The following ATP2B2 variants were observed in gnomAD, a reference collection of about 807,000 sequenced individuals.
ATP2B2 encodes the protein plasma membrane calcium-transporting ATPase 2.
In ATP2B2, 15 loss-of-function variants were observed where a neutral mutation model predicts 120.0. That is an observed-to-expected ratio of 0.12 (90% CI 0.08 to 0.19). ATP2B2 has a LOEUF of 0.19. ATP2B2 is among the 10% of genes least tolerant of loss of function. ATP2B2 has a pLI of 1.00. For missense variants in ATP2B2, 1,045 were observed against 1,719.8 expected (o/e 0.61, Z 6.94); for synonymous variants, 694 against 700.3 (o/e 0.99, Z 0.14).
intron 2 of ATP2B2, among the ~76,000 whole-genome samples, chr3:10,605,735 G>C (rs1435097914): frequency 6.6e-6 from 1 of 150,788 alleles, no homozygotes; most frequent in Non-Finnish European, 1.5e-5. Flanking sequence ...TGCAACCTCC[G>C]CCTCCCGGGT....
At chr3:10,567,127 T>G (rs1302470500) in intron 2 of ATP2B2, among the ~76,000 whole-genome samples, 1 of 152,206 alleles carries the variant, frequency 6.6e-6, no homozygotes, top group Non-Finnish European at 1.5e-5. Flanking sequence ...TAGAGGTGTC[T>G]CTCCTGGTGT....
At chr3:10,500,061 G>C (rs556364917) in intron 1 of ATP2B2, among the ~76,000 whole-genome samples, 1 of 150,848 alleles carries the variant, frequency 6.6e-6, no homozygotes, top group African/African-American at 2.4e-5. Context: ...TCAGCCTCCT[G>C]AGTAGCTGGA....
intron 1 of ATP2B2, among the ~76,000 whole-genome samples, chr3:10,702,557 C>T (rs1010066815): frequency 6.6e-6 from 1 of 152,194 alleles, no homozygotes; most frequent in South Asian, 2.1e-4. Context: ...GAGCATCGCA[C>T]AGGTGCAGCT....
chr3:10,420,508 C>G (rs1461732097), intron 2 of ATP2B2, among the ~76,000 whole-genome samples: 4 of 152,166 alleles, frequency 2.6e-5, no homozygotes, highest in African/African-American at 4.8e-5. Flanking sequence ...GTTACAGGTG[C>G]CTGCCACCAT....
intron 2 of ATP2B2, among the ~76,000 whole-genome samples, chr3:10,427,607 A>T (rs2063184377): frequency 6.6e-6 from 1 of 152,216 alleles, no homozygotes; most frequent in Admixed American, 6.5e-5. Flanking sequence ...GCTGCATCCA[A>T]AATATCAGGT....
intron 6 of ATP2B2, among the ~76,000 whole-genome samples, chr3:10,386,964 A>G (rs1477837888): frequency 6.6e-6 from 1 of 152,146 alleles, no homozygotes; most frequent in Non-Finnish European, 1.5e-5. Context: ...AAAACCACAG[A>G]TCTGGCCCAT....
At chr3:10,605,027 C>T (rs1217518903) in intron 2 of ATP2B2, among the ~76,000 whole-genome samples, 2 of 152,210 alleles carry the variant, frequency 1.3e-5, no homozygotes, top group Non-Finnish European at 2.9e-5. Context: ...GAATATGCCA[C>T]AGCCTTCTGT....
chr3:10,573,835 C>G (rs182624323), intron 2 of ATP2B2, among the ~76,000 whole-genome samples: 45 of 152,242 alleles, frequency 3.0e-4, no homozygotes, highest in African/African-American at 1.0e-3. Context: ...TAAAAAGAAG[C>G]CTTCTTCAAT....
intron 1 of ATP2B2, among the ~76,000 whole-genome samples, chr3:10,472,444 G>A (rs999173871): frequency 2.6e-4 from 39 of 152,238 alleles, no homozygotes; most frequent in Admixed American, 5.9e-4. Flanking sequence ...GGCAAGGACT[G>A]TTCCAAGGTC....
At chr3:10,403,671 CAG>C (rs1218823102) in intron 3 of ATP2B2, among the ~76,000 whole-genome samples, 1 of 152,226 alleles carries the variant, frequency 6.6e-6, no homozygotes, top group Non-Finnish European at 1.5e-5. Flanking sequence ...CTGCAAAACT[CAG>C]AGCAGTTCCC....
At chr3:10,360,375 G>C (rs1181557338) in intron 12 of ATP2B2, among the ~76,000 whole-genome samples, 1 of 152,228 alleles carries the variant, frequency 6.6e-6, no homozygotes, top group Non-Finnish European at 1.5e-5. Flanking sequence ...ACATGAAAAA[G>C]AGAATGATGT....
chr3:10,401,093 G>T lies in ATP2B2; in HGVS notation c.656-15C>A. On this transcript the variant is annotated splice_polypyrimidine_tract_variant and intron_variant, in intron 4 of 22. Coordinates refer to ENST00000360273, the MANE Select transcript of ATP2B2 (RefSeq NM_001001331.4). ...GAGGAGGTCACCTGGCAAGAGGAAG[G>T]GCAGGGGAGTCAGCAGGCTCTCAGG... 1 of 1,613,656 alleles carries T rather than the reference G, an allele frequency of 6.2e-7. No individual in the cohort carries two copies. The highest frequency in any genetic ancestry group is 8.5e-7 in the Non-Finnish European group (1 of 1,179,806).
intron 2 of ATP2B2, among the ~76,000 whole-genome samples, chr3:10,563,419 C>T (rs2067945009): frequency 6.6e-6 from 1 of 152,250 alleles, no homozygotes; most frequent in African/African-American, 2.4e-5. Flanking sequence ...ACTGCTCTGA[C>T]CCTCATTGGA....
intron 1 of ATP2B2, among the ~76,000 whole-genome samples, chr3:10,659,042 G>A (rs2070712319): frequency 6.6e-6 from 1 of 152,134 alleles, no homozygotes; most frequent in South Asian, 2.1e-4. Context: ...ACAAGCAAAT[G>A]CTGAGAGATT....
intron 1 of ATP2B2, among the ~76,000 whole-genome samples, chr3:10,483,059 G>A: frequency 6.6e-6 from 1 of 152,220 alleles, no homozygotes; most frequent in East Asian, 1.9e-4. Flanking sequence ...ATAGGGGCAG[G>A]GTTAGGATTC....
At chr3:10,365,495 C>T (rs981570182) in intron 12 of ATP2B2, among the ~76,000 whole-genome samples, 6 of 152,106 alleles carry the variant, frequency 3.9e-5, no homozygotes, top group Admixed American at 2.6e-4. Flanking sequence ...GAGGTGGGTG[C>T]GGGTGTCCGG....
At chr3:10,610,154 T>TAC (rs2069193255) in intron 2 of ATP2B2, among the ~76,000 whole-genome samples, 2 of 121,280 alleles carry the variant, frequency 1.6e-5, no homozygotes, top group South Asian at 5.8e-4. Flanking sequence ...TATATATATA[T>TAC]ATGACAGGAA....
chr3:10,689,357 C>T (rs532714719), intron 1 of ATP2B2, among the ~76,000 whole-genome samples: 26 of 152,076 alleles, frequency 1.7e-4, no homozygotes, highest in African/African-American at 4.6e-4. Context: ...AACTGTGTGA[C>T]GGGAAAGGCA....
chr3:10,416,173 T>C (rs6763274), intron 2 of ATP2B2, among the ~76,000 whole-genome samples: 41,246 of 152,148 alleles, frequency 0.27, 5,944 homozygotes, highest in Admixed American at 0.34. Flanking sequence ...CTACCATGTA[T>C]GTAAAAGAAG....
Sources: gnomAD v4.1 joint callset for allele counts (sites outside exome capture counted in the v4.1 genomes callset) on GRCh38, gnomAD v4.1.1 for gene constraint, MANE v1.5 for transcripts, NCBI Gene and HGNC (gene_info 2026-07-23, HGNC 2026-07-21) for gene names.